DNAH3: variants seen among roughly 807,000 people sequenced by gnomAD.
DNAH3 encodes the protein axonemal beta dynein heavy chain 3.
A neutral mutation model predicts 432.5 loss-of-function variants in DNAH3; 332 were observed. The observed-to-expected ratio is 0.77, with a 90% confidence interval of 0.70 to 0.84. The LOEUF is 0.84. Ranked by LOEUF, DNAH3 falls within the 40% of genes least tolerant of loss-of-function variation. The pLI, the probability that DNAH3 is intolerant of heterozygous loss-of-function variation, is 0.00. For missense variants in DNAH3, 4,861 were observed against 5,114.0 expected, an observed-to-expected ratio of 0.95 and a Z score of 1.51; for synonymous variants, 1,956 against 1,900.2, an observed-to-expected ratio of 1.03 and a Z score of -0.76.
chr16:20,938,107 T>C (rs1223677297), intron 59 of DNAH3, among the ~76,000 whole-genome samples: 1 of 152,156 alleles, frequency 6.6e-6, no homozygotes, highest in East Asian at 1.9e-4. Context: ...TCAAGAGGAA[T>C]GTAGCTGGGT....
In DNAH3 at chr16:20,963,758, GGA is replaced by G. The variant is rs1596974368; in HGVS notation, c.10124_10125del (p.Leu3375ProfsTer30). 2 of 1,613,950 alleles carry G rather than the reference GGA, an allele frequency of 1.2e-6. No homozygotes were observed. The highest frequency in any genetic ancestry group is 2.2e-5 in the South Asian group (2 of 91,088). On this transcript the variant is annotated frameshift_variant, in exon 53 of 62. Transcript: ENST00000261383. LOFTEE classifies it high-confidence loss of function. Reference sequence around the variant, plus strand: ...TGTTTCATGATGCCGATGGTCAGGAGGAGAGAGAAGAGTAGCTTGTCCTTCTC... The same window carrying G: ...TGTTTCATGATGCCGATGGTCAGGAGGAGAGAAGAGTAGCTTGTCCTTCTC...
chr16:21,032,220 C>G (rs2088918292), intron 36 of DNAH3, among the ~76,000 whole-genome samples: 1 of 152,016 alleles, frequency 6.6e-6, no homozygotes, highest in Non-Finnish European at 1.5e-5. Context: ...AGATCAGAAC[C>G]TTGGCTTTGA....
chr16:20,979,415 A>G (rs1230931201), exon 50 of DNAH3: 1 of 1,613,964 alleles, frequency 6.2e-7, no homozygotes, highest in Non-Finnish European at 8.5e-7. Flanking sequence ...GCTATTCAGG[A>G]GCGTCTTGAA....
At chr16:21,126,724 T>C (rs2092452775) in intron 8 of DNAH3, among the ~76,000 whole-genome samples, 1 of 152,158 alleles carries the variant, frequency 6.6e-6, no homozygotes. Flanking sequence ...TTCATCTGTA[T>C]TTACAGCCGC....
rs1051621068 is a variant in DNAH3 at position 21,013,484 on chromosome 16, G to A, written c.6022+6140C>T. 7.2e-5 allele frequency among the ~76,000 whole-genome samples: 11 copies of A among 152,228 alleles called. No individual in the cohort carries two copies. In the East Asian group the frequency reaches 2.1e-3, roughly 29 times the overall value. On this transcript the variant is annotated intron_variant, in intron 41 of 61. Coordinates refer to ENST00000261383, the Ensembl canonical transcript of DNAH3. Reference sequence around the variant, plus strand: ...ACCTGTAATTCCAGCACTTTGGGAGGCCAAAGCAGGCAGATCACCTGAGGT... The same window carrying A: ...ACCTGTAATTCCAGCACTTTGGGAGACCAAAGCAGGCAGATCACCTGAGGT...
chr16:21,054,597 C>A lies in DNAH3; in HGVS notation c.3925-63G>T, dbSNP rs889475139. The A allele has an allele frequency of 3.1e-6, 4 of 1,287,102 alleles. No individual in the cohort carries two copies. In the African/African-American group the frequency reaches 4.4e-5, roughly 14 times the overall value. The allele number at this position is 1,287,102 out of a possible 1,614,324, so 79.7% of individuals were successfully genotyped here. On this transcript the variant is annotated intron_variant, in intron 27 of 61. Transcript: ENST00000261383. ...GACTCTCCTCTGGTAATCCCCATGT[C>A]AAGAAATGGTACCATGGACCACCGG...
At chr16:21,076,922 C>T (rs1171669906) in intron 20 of DNAH3, among the ~76,000 whole-genome samples, 7 of 152,126 alleles carry the variant, frequency 4.6e-5, no homozygotes, top group East Asian at 1.9e-4. Context: ...GGAGCTGTAC[C>T]GTACCTTCTA....
At chr16:21,097,752 C>T (rs1392782819) in intron 17 of DNAH3, among the ~76,000 whole-genome samples, 1 of 152,168 alleles carries the variant, frequency 6.6e-6, no homozygotes, top group Non-Finnish European at 1.5e-5. Context: ...ATCTCTGTTT[C>T]CACTCTATGA....
At chr16:21,034,417 G>A (rs1301439594) in intron 35 of DNAH3, among the ~76,000 whole-genome samples, 2 of 152,172 alleles carry the variant, frequency 1.3e-5, no homozygotes, top group African/African-American at 2.4e-5. Flanking sequence ...GCCCAAGAGA[G>A]GTTAAATACT....
intron 1 of DNAH3, among the ~76,000 whole-genome samples, chr16:21,156,181 T>TTTTATTTTATTTTATTTTATTTTA (rs2092896040): frequency 3.4e-5 from 5 of 147,916 alleles, no homozygotes; most frequent in African/African-American, 9.9e-5. Context: ...TTTTATTTTA[T>TTTTATTTTATTTTATTTTATTTTA]TTTATTTTAT....
chr16:20,971,493 A>G (rs1357352922), intron 51 of DNAH3, among the ~76,000 whole-genome samples: 1 of 152,162 alleles, frequency 6.6e-6, no homozygotes, highest in Non-Finnish European at 1.5e-5. Context: ...AAGCTGCACA[A>G]TCAGACACCG....
exon 20 of DNAH3, chr16:21,081,710 G>C (rs777703183): frequency 6.2e-7 from 1 of 1,613,512 alleles, no homozygotes; most frequent in Non-Finnish European, 8.5e-7. Flanking sequence ...TTATCTCATA[G>C]CCAACAATCT....
chr16:21,151,439 G>A (rs1190762712), intron 1 of DNAH3, among the ~76,000 whole-genome samples: 1 of 151,026 alleles, frequency 6.6e-6, no homozygotes, highest in African/African-American at 2.4e-5. Flanking sequence ...TCCTGCCTCA[G>A]CCTCCCACCA....
chr16:21,104,233 A>C, intron 16 of DNAH3: 1 of 394,346 alleles, frequency 2.5e-6, no homozygotes, highest in South Asian at 4.0e-5. Context: ...ACCAAATTCC[A>C]ATTATTCAAG....
intron 31 of DNAH3, among the ~76,000 whole-genome samples, chr16:21,046,434 CTTCT>C (rs1275956975): frequency 4.0e-5 from 6 of 150,780 alleles, no homozygotes; most frequent in Non-Finnish European, 5.9e-5. Context: ...ATGTAATGGC[CTTCT>C]TTGTCTCTTT....
At chr16:21,031,002 T>C in intron 37 of DNAH3, 43 bp downstream of exon 37, 1 of 1,603,582 alleles carries the variant, frequency 6.2e-7, no homozygotes, top group Non-Finnish European at 8.5e-7. Context: ...TAAAAGAGTT[T>C]ATGTCTCACT....
chr16:21,125,973 T>C (rs1488867723), intron 8 of DNAH3, among the ~76,000 whole-genome samples: 1 of 151,950 alleles, frequency 6.6e-6, no homozygotes, highest in Non-Finnish European at 1.5e-5. Context: ...ATGGCAAAAC[T>C]CCATCTCTAC....
At chr16:20,987,881 G>A in intron 45 of DNAH3, 32 bp from the exon 46 acceptor site, 1 of 1,614,062 alleles carries the variant, frequency 6.2e-7, no homozygotes, top group Non-Finnish European at 8.5e-7. Context: ...CAGTAGTCAA[G>A]GAGGGGCCAG....
chr16:20,990,461 T>C (rs1419492339), intron 44 of DNAH3, among the ~76,000 whole-genome samples: 1 of 152,190 alleles, frequency 6.6e-6, no homozygotes, highest in Non-Finnish European at 1.5e-5. Flanking sequence ...TTTTAATATA[T>C]TCAGGGTTGT....
Sources: allele counts gnomAD v4.1 joint callset (sites outside exome capture counted in the v4.1 genomes callset), GRCh38; gene constraint gnomAD v4.1.1; transcripts MANE v1.5; gene names NCBI Gene and HGNC (gene_info 2026-07-23, HGNC 2026-07-21).